Variants in CSTF3 observed in about 807,000 individuals in gnomAD.
CSTF3 encodes the protein cleavage stimulation factor subunit 3.
CSTF3 carries 29 observed loss-of-function variants against 105.8 expected under a neutral mutation model. The ratio of observed to expected loss-of-function variants is 0.27; its 90% CI spans 0.20 to 0.37. The LOEUF is 0.37. CSTF3 is among the 10% of genes least tolerant of loss of function. CSTF3 has a pLI of 1.00. For missense variants in CSTF3, 357 were observed against 879.3 expected, an observed-to-expected ratio of 0.41 and a Z score of 7.51; for synonymous variants, 252 against 281.9, an observed-to-expected ratio of 0.89 and a Z score of 1.06.
At chr11:33,112,401 A>G (rs1028406686) in intron 3 of CSTF3, among the ~76,000 whole-genome samples, 1 of 152,198 alleles carries the variant, frequency 6.6e-6, no homozygotes, top group African/African-American at 2.4e-5. Flanking sequence ...AATAACATCC[A>G]TTTCAAAGGG....
rs1177520221 is a variant in CSTF3, at chr11:33,158,252, T to C, written c.27+3047A>G. Among the ~76,000 whole-genome samples the C allele has an allele frequency of 3.9e-5, 6 of 152,294 alleles. No homozygotes were observed. In the South Asian group the frequency reaches 6.2e-4, roughly 16 times the overall value. The stretch of plus-strand genomic sequence containing the variant: ...CCTTGTTGATAATCAGATGTCTAAA[T>C]TGCCTTTCAGACTTAAGGAAAAGAT... On this transcript the variant is annotated intron_variant, in intron 1 of 20. Transcript: ENST00000323959.
chr11:33,099,766 T>G lies in CSTF3; in HGVS notation c.827-49A>C. The G allele has an allele frequency of 3.4e-6, 4 of 1,182,314 alleles. No individual in the cohort carries two copies. The highest frequency in any genetic ancestry group is 4.8e-6 in the Non-Finnish European group (4 of 840,468). The allele number at this position is 1,182,314 out of a possible 1,614,324, so 73.2% of individuals were successfully genotyped here. ...ATATTCAATTAAAATAATTATTATT[T>G]GTAAAACTATCAATGTAAATATCAT... On this transcript the variant is annotated intron_variant, in intron 10 of 20. Transcript: ENST00000323959. The surrounding 1 kb of genome is among the most constrained non-coding windows in gnomAD (Gnocchi z 4.1).
intron 5 of CSTF3, 81 bp downstream of exon 5, chr11:33,107,822 C>G: frequency 1.4e-6 from 1 of 736,608 alleles, no homozygotes; most frequent in Non-Finnish European, 2.2e-6. Flanking sequence ...CCACTTGGGG[C>G]TAACAGAAGG....
chr11:33,161,017 A>T (rs1430577698), intron 1 of CSTF3, among the ~76,000 whole-genome samples: 2 of 152,232 alleles, frequency 1.3e-5, no homozygotes, highest in East Asian at 3.8e-4. Context: ...TATCAAAGGA[A>T]AGCATCCCAT....
At chr11:33,126,601 AT>A (rs1368517027) in intron 3 of CSTF3, among the ~76,000 whole-genome samples, 2 of 151,832 alleles carry the variant, frequency 1.3e-5, no homozygotes, top group East Asian at 1.9e-4. Flanking sequence ...AAATAAAGAC[AT>A]TTTTTTAACC....
chr11:33,132,184 G>C (rs1476774097), intron 3 of CSTF3, among the ~76,000 whole-genome samples: 1 of 152,078 alleles, frequency 6.6e-6, no homozygotes, highest in African/African-American at 2.4e-5. Flanking sequence ...CCTTTATAGA[G>C]TTACCTGCAG....
At chr11:33,134,092 T>C (rs948721940) in intron 3 of CSTF3, among the ~76,000 whole-genome samples, 2 of 152,186 alleles carry the variant, frequency 1.3e-5, no homozygotes, top group Non-Finnish European at 2.9e-5. Context: ...AAAAAAAAGA[T>C]TCAGTAAAGC....
intron 16 of CSTF3, 117 bp from the exon 17 acceptor site, chr11:33,090,844 T>C: frequency 1.7e-6 from 1 of 583,722 alleles, no homozygotes; most frequent in Non-Finnish European, 2.7e-6. Flanking sequence ...AAGTGACTTT[T>C]TATTATAAAG....
At chr11:33,160,128 A>G (rs767693348) in intron 1 of CSTF3, among the ~76,000 whole-genome samples, 5 of 152,028 alleles carry the variant, frequency 3.3e-5, no homozygotes, top group Non-Finnish European at 7.4e-5. Context: ...AGGGGTAAAC[A>G]GTTTTGATAC....
chr11:33,090,341 ATTTT>A (rs1855156638), intron 17 of CSTF3, among the ~76,000 whole-genome samples, 187 bp downstream of exon 17: 1 of 152,168 alleles, frequency 6.6e-6, no homozygotes, highest in African/African-American at 2.4e-5. Flanking sequence ...TTCAATTCTC[ATTTT>A]GTTCAGCTAC....
chr11:33,105,532 G>A, intron 8 of CSTF3, 35 bp downstream of exon 8: 3 of 1,562,370 alleles, frequency 1.9e-6, no homozygotes, highest in Non-Finnish European at 2.6e-6. Context: ...AAAATGGCTT[G>A]GTTTATAATA....
At chr11:33,149,872 A>G (rs1360147531) in intron 1 of CSTF3, among the ~76,000 whole-genome samples, 4 of 152,104 alleles carry the variant, frequency 2.6e-5, no homozygotes, top group Non-Finnish European at 5.9e-5. Context: ...TACAAAAATT[A>G]GCTGGGCATG....
At chr11:33,130,467 T>C (rs1239206850) in intron 3 of CSTF3, among the ~76,000 whole-genome samples, 1 of 151,822 alleles carries the variant, frequency 6.6e-6, no homozygotes, top group Non-Finnish European at 1.5e-5. Flanking sequence ...TGAGACTCTG[T>C]CTCAAAACAA....
At chr11:33,086,369 A>T (rs1461174349) in intron 18 of CSTF3, among the ~76,000 whole-genome samples, 2 of 152,184 alleles carry the variant, frequency 1.3e-5, no homozygotes. Context: ...CCCATTCCTA[A>T]GTAAAGAAAC....
chr11:33,106,936 T>C (rs1855333224), intron 5 of CSTF3, among the ~76,000 whole-genome samples: 1 of 152,132 alleles, frequency 6.6e-6, no homozygotes, highest in Admixed American at 6.6e-5. Context: ...TGTTAAAATG[T>C]AAAGGGTACA....
chr11:33,120,838 T>C (rs761294571), intron 3 of CSTF3, among the ~76,000 whole-genome samples: 1 of 151,972 alleles, frequency 6.6e-6, no homozygotes, highest in Non-Finnish European at 1.5e-5. Context: ...AAAATGTAAA[T>C]GTATAACTTT....
chr11:33,120,936 A>G (rs1240702651), intron 3 of CSTF3, among the ~76,000 whole-genome samples: 1 of 152,040 alleles, frequency 6.6e-6, no homozygotes, highest in African/African-American at 2.4e-5. Flanking sequence ...AAAGGGTGCT[A>G]AGTATAATAC....
chr11:33,127,273 T>C (rs1565012461), intron 3 of CSTF3, among the ~76,000 whole-genome samples: 4 of 152,172 alleles, frequency 2.6e-5, no homozygotes, highest in African/African-American at 9.7e-5. Flanking sequence ...CTGAATGTAC[T>C]AAAAAAACCT....
intron 1 of CSTF3, among the ~76,000 whole-genome samples, chr11:33,148,417 T>C (rs1855810239): frequency 6.6e-6 from 1 of 152,132 alleles, no homozygotes; most frequent in Non-Finnish European, 1.5e-5. Flanking sequence ...CCATGGCTCA[T>C]CGGGTGCAGT....
Sources: gnomAD v4.1 joint callset for allele counts (sites outside exome capture counted in the v4.1 genomes callset) on GRCh38, gnomAD v4.1.1 for gene constraint, Gnocchi (gnomAD v3.1) non-coding constraint, MANE v1.5 for transcripts, NCBI Gene and HGNC (gene_info 2026-07-23, HGNC 2026-07-21) for gene names.